The following DLGAP1 variants were observed in gnomAD, a reference collection of about 807,000 sequenced individuals.
The protein encoded by DLGAP1 is disks large-associated protein 1.
In DLGAP1, 11 loss-of-function variants were observed where a neutral mutation model predicts 90.8. That is an observed-to-expected ratio of 0.12 (90% confidence interval 0.08 to 0.20). The LOEUF (loss-of-function observed/expected upper bound fraction) is 0.20. Ranked by LOEUF, DLGAP1 falls within the 10% of genes least tolerant of loss-of-function variation. The pLI is 1.00. For missense variants in DLGAP1, 1,050 were observed against 1,333.8 expected (o/e 0.79, Z 3.31); for synonymous variants, 558 against 540.7 (o/e 1.03, Z -0.44).
chr18:3,866,105 C>G (rs569385559), intron 4 of DLGAP1, among the ~76,000 whole-genome samples: 4 of 152,156 alleles, frequency 2.6e-5, no homozygotes, highest in Admixed American at 2.6e-4. Context: ...TCTATCAGAG[C>G]TTAAAGCCCA....
chr18:3,832,414 C>T (rs1328227569), intron 4 of DLGAP1, among the ~76,000 whole-genome samples: 1 of 152,178 alleles, frequency 6.6e-6, no homozygotes, highest in East Asian at 1.9e-4. Context: ...CATGCTTCCT[C>T]CTAGTAACGA....
At chr18:3,634,924 GACAT>G (rs1192232962) in intron 7 of DLGAP1, among the ~76,000 whole-genome samples, 3 of 152,090 alleles carry the variant, frequency 2.0e-5, no homozygotes, top group African/African-American at 7.2e-5. Context: ...TTTATTATCT[GACAT>G]ACATGAGGCG....
chr18:3,521,558 T>C (rs1473505015), intron 10 of DLGAP1, among the ~76,000 whole-genome samples: 1 of 152,172 alleles, frequency 6.6e-6, no homozygotes, highest in Admixed American at 6.5e-5. Flanking sequence ...CCCCTCTCCC[T>C]GTATCTAGCA....
At chr18:4,224,694 G>A (rs2078148935) in intron 1 of DLGAP1, among the ~76,000 whole-genome samples, 1 of 150,702 alleles carries the variant, frequency 6.6e-6, no homozygotes, top group African/African-American at 2.4e-5. Flanking sequence ...TAGAGCACCA[G>A]GTAGGTTCCA....
Position 4,103,424 on chromosome 18 carries a change from G to A in DLGAP1, c.-159+47756C>T, listed in dbSNP as rs191446373. On this transcript the variant is annotated intron_variant, in intron 2 of 12. Coordinates refer to ENST00000315677, the MANE Select transcript of DLGAP1 (RefSeq NM_004746.4). The stretch of plus-strand genomic sequence containing the variant: ...GCTGTTTGATGATATTGGTTACTAT[G>A]GTAAAGAGCACTAAAAAAATCTAAT... 3.3e-3 allele frequency among the ~76,000 whole-genome samples: 507 copies of A among 151,944 alleles called. 8 individuals carry two copies. The highest frequency in any genetic ancestry group is 0.012 in the African/African-American group (494 of 41,456).
chr18:4,397,194 G>A (rs1428975204), intron 1 of DLGAP1, among the ~76,000 whole-genome samples: 1 of 152,198 alleles, frequency 6.6e-6, no homozygotes, highest in Non-Finnish European at 1.5e-5. Flanking sequence ...AATACCTAGT[G>A]TGTAGCATGT....
chr18:4,174,357 C>T (rs983348933), intron 1 of DLGAP1, among the ~76,000 whole-genome samples: 7 of 151,968 alleles, frequency 4.6e-5, no homozygotes, highest in South Asian at 2.1e-4. Context: ...TTTTTCGAGA[C>T]GGAGTCTTGC....
intron 8 of DLGAP1, among the ~76,000 whole-genome samples, chr18:3,577,070 A>T (rs1048206318): frequency 2.6e-5 from 4 of 151,960 alleles, no homozygotes; most frequent in African/African-American, 9.7e-5. Context: ...CATGTTGGTC[A>T]GGTTGGTCTC....
chr18:3,979,423 G>A (rs993729046), intron 3 of DLGAP1, among the ~76,000 whole-genome samples: 19 of 145,684 alleles, frequency 1.3e-4, no homozygotes, highest in East Asian at 4.1e-4. Flanking sequence ...CAGTGTTTTC[G>A]CCTAATGATG....
chr18:3,745,599 T>C (rs1301201852), intron 5 of DLGAP1, among the ~76,000 whole-genome samples: 1 of 152,162 alleles, frequency 6.6e-6, no homozygotes, highest in Non-Finnish European at 1.5e-5. Context: ...TAAGGAGGTC[T>C]AAAGGTTCTA....
At chr18:4,355,936 C>G (rs975456916) in intron 1 of DLGAP1, among the ~76,000 whole-genome samples, 1 of 150,920 alleles carries the variant, frequency 6.6e-6, no homozygotes, top group Non-Finnish European at 1.5e-5. Flanking sequence ...CTCTCCTATG[C>G]TATCTTGCAT....
chr18:4,368,567 C>A (rs1446021202), intron 1 of DLGAP1, among the ~76,000 whole-genome samples: 1 of 151,714 alleles, frequency 6.6e-6, no homozygotes, highest in East Asian at 1.9e-4. Context: ...CTTGACCTTG[C>A]AGATTTAGAC....
intron 1 of DLGAP1, among the ~76,000 whole-genome samples, chr18:4,184,101 T>C (rs548964555): frequency 6.6e-6 from 1 of 152,242 alleles, no homozygotes; most frequent in East Asian, 1.9e-4. Context: ...CTGGATAAAC[T>C]TTAAGAAAAA....
intron 4 of DLGAP1, among the ~76,000 whole-genome samples, chr18:3,823,748 G>A (rs903944902): frequency 6.6e-6 from 1 of 151,890 alleles, no homozygotes; most frequent in African/African-American, 2.4e-5. Context: ...TCAGGAGTTT[G>A]AGACCAGCCT....
chr18:3,726,403 T>C (rs1232199020), intron 7 of DLGAP1, among the ~76,000 whole-genome samples: 4 of 151,922 alleles, frequency 2.6e-5, no homozygotes, highest in African/African-American at 9.7e-5. Flanking sequence ...TATGACAGTA[T>C]TGAGATCATG....
chr18:4,206,648 C>T (rs904921567), intron 1 of DLGAP1, among the ~76,000 whole-genome samples: 2 of 152,182 alleles, frequency 1.3e-5, no homozygotes, highest in Non-Finnish European at 2.9e-5. Flanking sequence ...CAGTTAAAAG[C>T]CATAGTGTTC....
chr18:3,889,539 A>C (rs758734304), intron 3 of DLGAP1, among the ~76,000 whole-genome samples: 1 of 152,176 alleles, frequency 6.6e-6, no homozygotes, highest in Non-Finnish European at 1.5e-5. Flanking sequence ...CTGAGACCCC[A>C]AAAGTGCAGA....
intron 3 of DLGAP1, chr18:3,977,775 A>G: frequency 2.7e-6 from 1 of 366,330 alleles, no homozygotes; most frequent in South Asian, 2.4e-5. Context: ...TGAAGGTGGA[A>G]GAGTGGGTGA....
chr18:3,956,940 CCA>C (rs1018165376), intron 3 of DLGAP1, among the ~76,000 whole-genome samples: 5 of 152,200 alleles, frequency 3.3e-5, no homozygotes, highest in Non-Finnish European at 7.3e-5. Context: ...GCATGAGCCA[CCA>C]CACTCTGCCA....
Sources: allele counts gnomAD v4.1 joint callset (sites outside exome capture counted in the v4.1 genomes callset), GRCh38; gene constraint gnomAD v4.1.1; transcripts MANE v1.5; gene names NCBI Gene and HGNC (gene_info 2026-07-23, HGNC 2026-07-21).